The following SLC24A3 variants were observed in gnomAD, a reference collection of about 807,000 sequenced individuals.
SLC24A3 encodes solute carrier family 24 member 3.
SLC24A3 carries 28 observed loss-of-function variants against 75.8 expected under a neutral mutation model. That is an observed-to-expected ratio of 0.37 (90% CI 0.27 to 0.51). SLC24A3 has a LOEUF of 0.51. Among genes scored for constraint, SLC24A3 ranks in the 20% least tolerant of loss-of-function variants. The pLI is 0.94. For missense variants in SLC24A3, 663 were observed against 847.8 expected, an observed-to-expected ratio of 0.78 and a Z score of 2.71; for synonymous variants, 372 against 334.1, an observed-to-expected ratio of 1.11 and a Z score of -1.24.
At chr20:19,263,552 G>A (rs1246623399) in intron 1 of SLC24A3, among the ~76,000 whole-genome samples, 5 of 152,188 alleles carry the variant, frequency 3.3e-5, no homozygotes, top group Non-Finnish European at 7.3e-5. Flanking sequence ...AAGCCTCCCC[G>A]TTTCTCAGGC....
At chr20:19,335,873 C>A (rs1293939711) in intron 2 of SLC24A3, among the ~76,000 whole-genome samples, 3 of 152,172 alleles carry the variant, frequency 2.0e-5, no homozygotes, top group Admixed American at 2.0e-4. Flanking sequence ...ATATTTGACT[C>A]ATTTCATGCC....
chr20:19,577,580 G>A (rs181944940), intron 3 of SLC24A3, among the ~76,000 whole-genome samples: 2 of 152,050 alleles, frequency 1.3e-5, no homozygotes, highest in East Asian at 3.9e-4. Context: ...ATATAGTTAT[G>A]GATTATAAAA....
At chr20:19,395,661 C>G (rs936850732) in intron 2 of SLC24A3, among the ~76,000 whole-genome samples, 1 of 152,112 alleles carries the variant, frequency 6.6e-6, no homozygotes, top group African/African-American at 2.4e-5. Flanking sequence ...CAGAACACTG[C>G]GGGAGCCAGA....
rs200634610 is a variant in SLC24A3 at position 19,466,806 on chromosome 20, C to A, written c.272-48682C>A. Among the ~76,000 whole-genome samples the A allele has an allele frequency of 3.9e-5, 6 of 152,252 alleles. No homozygotes were observed. In the East Asian group the frequency reaches 1.2e-3, roughly 29 times the overall value. The stretch of plus-strand genomic sequence containing the variant: ...GAATGTACAGAGATTCTGCTGACAA[C>A]AAGAAACTTTCTTGGGCCTGAAATT... On this transcript the variant is annotated intron_variant, in intron 2 of 16. Transcript: ENST00000328041.
chr20:19,269,220 T>A (rs536926669), intron 1 of SLC24A3, among the ~76,000 whole-genome samples: 36 of 152,362 alleles, frequency 2.4e-4, no homozygotes, highest in African/African-American at 8.7e-4. Context: ...AGTGCAAATA[T>A]GGGACATTCC....
intron 15 of SLC24A3, among the ~76,000 whole-genome samples, chr20:19,713,319 G>C (rs963190902): frequency 1.4e-4 from 22 of 152,180 alleles, no homozygotes; most frequent in African/African-American, 4.8e-4. Context: ...AGCATGCTGG[G>C]TTTAAAAACA....
chr20:19,225,194 A>G (rs536754689), intron 1 of SLC24A3, among the ~76,000 whole-genome samples: 9 of 152,100 alleles, frequency 5.9e-5, no homozygotes, highest in African/African-American at 2.2e-4. Flanking sequence ...CGAGTTTTCA[A>G]CTTTTTTCAT....
In SLC24A3 at chr20:19,280,962, T is replaced by C. The variant is rs3790174; in HGVS notation, c.146T>C (p.Leu49Pro). The C allele has an allele frequency of 7.5e-3, 12,022 of 1,613,654 alleles. 478 individuals carry two copies. The East Asian group carries it at 0.11, about 15-fold the overall frequency. ...GTTATTGTCTTTGTCTCCCCAGAGCTTGACCTCATGGACCTCGTAGGGGAA... is the reference window on the plus strand; with the variant it reads ...GTTATTGTCTTTGTCTCCCCAGAGCCTGACCTCATGGACCTCGTAGGGGAA... ...SLSSLREQKE[L>P]DLMDLVGEDR... The change falls in exon 2 of 17, where the codon CTT becomes CCT. Residue 49 changes from leucine (L) to proline (P), a missense_variant. Around this residue, in one of 2 missense-constraint regions of SLC24A3, gnomAD observed 153 missense variants for 144.2 expected, o/e 1.06. Coordinates refer to ENST00000328041, the MANE Select transcript of SLC24A3 (RefSeq NM_020689.4).
chr20:19,303,089 G>A (rs1177941025), intron 2 of SLC24A3, among the ~76,000 whole-genome samples: 2 of 151,934 alleles, frequency 1.3e-5, no homozygotes, highest in African/African-American at 4.8e-5. Context: ...GGGGTTTTGT[G>A]TATAGATTAT....
At position 19,603,081 on chromosome 20, in the gene SLC24A3, G is replaced by A. The variant is rs527351314; in HGVS notation, c.612+17537G>A. ...GTTTAAAGTCCTGAAATCACACAGC[G>A]TGGCACTAGTCATGGAACCAAAGTT... On this transcript the variant is annotated intron_variant, in intron 6 of 16. Transcript: ENST00000328041. Among the ~76,000 whole-genome samples the A allele has an allele frequency of 1.5e-4, 23 of 152,324 alleles. No homozygotes were observed. In the South Asian group the frequency reaches 3.1e-3, roughly 21 times the overall value.
At chr20:19,443,771 C>T (rs1987333895) in intron 2 of SLC24A3, among the ~76,000 whole-genome samples, 1 of 152,118 alleles carries the variant, frequency 6.6e-6, no homozygotes, top group African/African-American at 2.4e-5. Flanking sequence ...GGGAATAATA[C>T]CTGGTTTCTC....
intron 2 of SLC24A3, among the ~76,000 whole-genome samples, chr20:19,342,962 C>T (rs948974036): frequency 7.0e-6 from 1 of 142,348 alleles, no homozygotes; most frequent in Non-Finnish European, 1.5e-5. Flanking sequence ...CCCAGCTACT[C>T]GGGAGGCTGA....
Position 19,221,472 on chromosome 20 carries a change from A to G in SLC24A3, c.142+8488A>G, listed in dbSNP as rs56974632. 8.5e-3 allele frequency among the ~76,000 whole-genome samples: 1,299 copies of G among 152,282 alleles called. 18 individuals carry two copies. Among genetic ancestry groups the G allele is most frequent in the African/African-American group, 0.028 (1,182 of 41,564 alleles). On this transcript the variant is annotated intron_variant, in intron 1 of 16. Transcript: ENST00000328041. Reference sequence around the variant, plus strand: ...TTTCTTAGCTTATTCCTGAAATTTCAGTGTACATTTTTGAGGGTCACAGCC... The same window carrying G: ...TTTCTTAGCTTATTCCTGAAATTTCGGTGTACATTTTTGAGGGTCACAGCC...
intron 9 of SLC24A3, among the ~76,000 whole-genome samples, chr20:19,678,409 C>T (rs1269272087): frequency 7.6e-6 from 1 of 130,924 alleles, no homozygotes. Context: ...CCAGTAGGGA[C>T]GGCCAGGCAG....
intron 3 of SLC24A3, among the ~76,000 whole-genome samples, chr20:19,571,000 C>A (rs546624642): frequency 2.6e-5 from 4 of 152,068 alleles, no homozygotes; most frequent in Non-Finnish European, 4.4e-5. Context: ...GAGCTGTAGA[C>A]GTTCCTCAAG....
chr20:19,718,420 T>G (rs1022017634), intron 16 of SLC24A3, among the ~76,000 whole-genome samples: 1 of 152,226 alleles, frequency 6.6e-6, no homozygotes, highest in Non-Finnish European at 1.5e-5. Flanking sequence ...ATATTTGTAA[T>G]AGCCACACGC....
intron 2 of SLC24A3, among the ~76,000 whole-genome samples, chr20:19,316,513 A>G (rs1286189479): frequency 1.3e-5 from 2 of 152,230 alleles, no homozygotes; most frequent in Non-Finnish European, 2.9e-5. Flanking sequence ...TATGGCTCAT[A>G]AATCAGTCAA....
intron 2 of SLC24A3, among the ~76,000 whole-genome samples, chr20:19,418,211 C>A (rs1986858579): frequency 2.0e-5 from 3 of 152,142 alleles, no homozygotes; most frequent in South Asian, 4.1e-4. Flanking sequence ...CAAACAGAGA[C>A]AGCGTGGAGC....
chr20:19,711,217 GCACA>G (rs1568707610), intron 15 of SLC24A3, among the ~76,000 whole-genome samples: 1 of 141,782 alleles, frequency 7.1e-6, no homozygotes, highest in Non-Finnish European at 1.5e-5. Context: ...GCAGGCAAAC[GCACA>G]CACACATGCA....
Sources: allele counts gnomAD v4.1 joint callset (sites outside exome capture counted in the v4.1 genomes callset), GRCh38; gene constraint gnomAD v4.1.1; regional missense constraint gnomAD v4.1.1; transcripts MANE v1.5; gene names NCBI Gene and HGNC (gene_info 2026-07-23, HGNC 2026-07-21).